The following SH3RF3 variants were observed in gnomAD, a reference collection of about 807,000 sequenced individuals.
SH3RF3 encodes E3 ubiquitin-protein ligase SH3RF3.
In SH3RF3, 29 loss-of-function variants were observed where a neutral mutation model predicts 66.3. The observed-to-expected ratio is 0.44, with a 90% CI of 0.33 to 0.60. SH3RF3 has a LOEUF of 0.60. Among genes scored for constraint, SH3RF3 ranks in the 20% least tolerant of loss-of-function variants. SH3RF3 has a pLI of 0.04. For synonymous variants in SH3RF3, 583 were observed against 532.0 expected (o/e 1.10, Z -1.32); for missense variants, 1,194 against 1,190.9 (o/e 1.00, Z -0.04).
At chr2:109,472,272 T>C (rs1412013796) in intron 8 of SH3RF3, among the ~76,000 whole-genome samples, 3 of 151,614 alleles carry the variant, frequency 2.0e-5, no homozygotes, top group African/African-American at 7.3e-5. Flanking sequence ...TCTGGGCTGC[T>C]CCAGGAAGAC....
chr2:109,269,143 A>G (rs565828804), intron 1 of SH3RF3, among the ~76,000 whole-genome samples: 36 of 152,344 alleles, frequency 2.4e-4, no homozygotes, highest in Non-Finnish European at 4.4e-4. Flanking sequence ...AAGCGTGGGC[A>G]TCATAGGCAG....
intron 2 of SH3RF3, among the ~76,000 whole-genome samples, chr2:109,354,738 C>G (rs760519986): frequency 6.6e-6 from 1 of 152,364 alleles, no homozygotes; most frequent in South Asian, 2.1e-4. Flanking sequence ...CACCCTGCCC[C>G]GCAGCCTCTG....
chr2:109,352,287 G>T (rs539952845), intron 2 of SH3RF3, among the ~76,000 whole-genome samples: 1 of 152,136 alleles, frequency 6.6e-6, no homozygotes, highest in African/African-American at 2.4e-5. Flanking sequence ...CAGAATACTC[G>T]CAGGAAAGTA....
chr2:109,396,852 C>T (rs750774572), intron 3 of SH3RF3, among the ~76,000 whole-genome samples: 10 of 152,226 alleles, frequency 6.6e-5, no homozygotes, highest in East Asian at 1.9e-4. Context: ...ACTTCCATAG[C>T]GGCTCACATG....
chr2:109,431,998 T>G (rs998131543), intron 5 of SH3RF3, among the ~76,000 whole-genome samples: 3 of 152,234 alleles, frequency 2.0e-5, no homozygotes, highest in African/African-American at 7.2e-5. Context: ...TCTGGTTGAT[T>G]GGATAAGCCA....
At chr2:109,355,524 C>G (rs920756120) in intron 2 of SH3RF3, among the ~76,000 whole-genome samples, 8 of 152,238 alleles carry the variant, frequency 5.3e-5, no homozygotes, top group South Asian at 2.1e-4. Context: ...TGACCTACAA[C>G]TCCTGAAATA....
At chr2:109,499,497 G>A (rs1235087294) in intron 9 of SH3RF3, among the ~76,000 whole-genome samples, 2 of 152,172 alleles carry the variant, frequency 1.3e-5, no homozygotes, top group Non-Finnish European at 2.9e-5. Flanking sequence ...AAAAGGGCTG[G>A]GGGTGCAGGG....
At chr2:109,269,268 C>G (rs1334991029) in intron 1 of SH3RF3, among the ~76,000 whole-genome samples, 1 of 152,154 alleles carries the variant, frequency 6.6e-6, no homozygotes, top group Non-Finnish European at 1.5e-5. Context: ...TTTGAAATGA[C>G]ATAAAGGGAC....
At chr2:109,333,084 A>G (rs771789851) in intron 1 of SH3RF3, among the ~76,000 whole-genome samples, 30 of 152,214 alleles carry the variant, frequency 2.0e-4, no homozygotes, top group Non-Finnish European at 3.7e-4. Context: ...CTGCAGCTCC[A>G]GTGCTGCCTC....
intron 8 of SH3RF3, among the ~76,000 whole-genome samples, chr2:109,469,320 G>A (rs1376492257): frequency 6.6e-6 from 1 of 152,202 alleles, no homozygotes; most frequent in Non-Finnish European, 1.5e-5. Flanking sequence ...TGTATCCTGG[G>A]GTGTGTGGCA....
Position 109,129,322 on chromosome 2 carries a change from C to A in SH3RF3, c.-219C>A, listed in dbSNP as rs746638337. 1.4e-6 allele frequency: 1 copy of A among 733,650 alleles called. No individual in the cohort carries two copies. Among genetic ancestry groups the A allele is most frequent in the Non-Finnish European group, 2.2e-6 (1 of 449,140 alleles). 45.4% of individuals were successfully genotyped at this position (733,650 alleles called of 1,614,324 possible). A position where few individuals can be genotyped will look rare whatever the true frequency, so the allele number is the denominator to read the frequency against. ...CGCTGCGCTCAGGACTGGGCGGGCT[C>A]GGCTGGCCGGTCCCCGCCACGCAGG... On this transcript the variant is annotated 5_prime_UTR_variant, in exon 1 of 10. Coordinates refer to ENST00000309415, the MANE Select transcript of SH3RF3 (RefSeq NM_001099289.3).
intron 1 of SH3RF3, among the ~76,000 whole-genome samples, chr2:109,186,236 C>T (rs367928956): frequency 3.3e-5 from 5 of 152,334 alleles, no homozygotes; most frequent in African/African-American, 9.6e-5. Flanking sequence ...GAGTGCTTCC[C>T]GTGTACGAGA....
At chr2:109,391,363 A>G (rs1459266020) in intron 3 of SH3RF3, among the ~76,000 whole-genome samples, 1 of 152,194 alleles carries the variant, frequency 6.6e-6, no homozygotes, top group Non-Finnish European at 1.5e-5. Context: ...CAGGATGGGA[A>G]AGGCACATCT....
At chr2:109,379,354 T>G (rs1441858111) in intron 3 of SH3RF3, among the ~76,000 whole-genome samples, 5 of 152,198 alleles carry the variant, frequency 3.3e-5, no homozygotes, top group African/African-American at 1.2e-4. Context: ...GCCTTTAAAG[T>G]CATGGTTTAC....
At chr2:109,250,677 CAT>C (rs961284380) in intron 1 of SH3RF3, among the ~76,000 whole-genome samples, 27 of 151,620 alleles carry the variant, frequency 1.8e-4, no homozygotes, top group Non-Finnish European at 1.5e-5. Context: ...ATATGGAAAA[CAT>C]ATTTATATCA....
At chr2:109,487,808 C>T (rs1288261534) in intron 8 of SH3RF3, among the ~76,000 whole-genome samples, 1 of 152,180 alleles carries the variant, frequency 6.6e-6, no homozygotes, top group African/African-American at 2.4e-5. Context: ...CCCAAGAGCC[C>T]TCAGCTGGAC....
intron 1 of SH3RF3, among the ~76,000 whole-genome samples, chr2:109,243,937 C>T (rs920578660): frequency 5.3e-5 from 8 of 152,122 alleles, no homozygotes; most frequent in East Asian, 1.9e-4. Context: ...CTCATGCCAC[C>T]GACATGCAGC....
intron 1 of SH3RF3, among the ~76,000 whole-genome samples, chr2:109,230,503 CTAG>C (rs1679481978): frequency 6.6e-6 from 1 of 152,084 alleles, no homozygotes; most frequent in Non-Finnish European, 1.5e-5. Context: ...TTGCTTGAAC[CTAG>C]TAGGTAGAGG....
At chr2:109,371,153 C>G (rs1405323722) in intron 2 of SH3RF3, among the ~76,000 whole-genome samples, 1 of 152,168 alleles carries the variant, frequency 6.6e-6, no homozygotes, top group Non-Finnish European at 1.5e-5. Context: ...CTTTAGGAGG[C>G]CAAGGCGGGC....
Sources: gnomAD v4.1 joint callset for allele counts (sites outside exome capture counted in the v4.1 genomes callset) on GRCh38, gnomAD v4.1.1 for gene constraint, MANE v1.5 for transcripts, NCBI Gene and HGNC (gene_info 2026-07-23, HGNC 2026-07-21) for gene names.